LCORL: variants seen among roughly 807,000 people sequenced by gnomAD.
The protein encoded by LCORL is ligand-dependent nuclear receptor corepressor-like protein.
Under a neutral mutation model 141.8 loss-of-function variants are expected in LCORL, and 41 were observed. That is an observed-to-expected ratio of 0.29 (90% CI 0.23 to 0.38). LCORL has a LOEUF of 0.38. Ranked by LOEUF, LCORL falls within the 10% of genes least tolerant of loss-of-function variation. The pLI is 1.00. For synonymous variants in LCORL, 618 were observed against 694.1 expected (o/e 0.89, Z 1.72); for missense variants, 1,759 against 2,035.0 (o/e 0.86, Z 2.61).
chr4:17,842,207 G>T, exon 8 of LCORL: 1 of 942,194 alleles, frequency 1.1e-6, no homozygotes, highest in South Asian at 1.4e-5. Context: ...GTGTTGAAAG[G>T]ATTGTTGTGT....
chr4:17,928,236 G>A (rs927474548), intron 4 of LCORL, among the ~76,000 whole-genome samples: 2 of 152,050 alleles, frequency 1.3e-5, no homozygotes, highest in Non-Finnish European at 1.5e-5. Context: ...GTAAAACACC[G>A]TCTCTACAAA....
At chr4:17,872,070 GAGT>G (rs1194559135) in intron 7 of LCORL, among the ~76,000 whole-genome samples, 2 of 116,966 alleles carry the variant, frequency 1.7e-5, no homozygotes, top group Non-Finnish European at 3.9e-5. Context: ...GTTTTAAAAA[GAGT>G]AGTAAAAATA....
At chr4:18,018,107 C>T (rs1724899615) in intron 1 of LCORL, among the ~76,000 whole-genome samples, 1 of 152,028 alleles carries the variant, frequency 6.6e-6, no homozygotes, top group Admixed American at 6.5e-5. Flanking sequence ...GCCAGTCTCC[C>T]AGATCAGATA....
In LCORL at chr4:17,866,116, C is replaced by A. The variant is rs183461941; in HGVS notation, c.5602+7272G>T. Among the ~76,000 whole-genome samples, 33 of 152,268 alleles carry A rather than the reference C, an allele frequency of 2.2e-4. 1 individual carries two copies. Among genetic ancestry groups the A allele is most frequent in the Middle Eastern group, 3.4e-3 (1 of 294 alleles). On this transcript the variant is annotated intron_variant, in intron 7 of 7. Transcript: ENST00000635767. ...ATCATCTCCTTCTTTCTTGACTAGA[C>A]ACACTGGCCATGACTTACACCTCTA...
At chr4:17,910,914 T>A (rs940718953) in intron 4 of LCORL, among the ~76,000 whole-genome samples, 1 of 152,202 alleles carries the variant, frequency 6.6e-6, no homozygotes, top group Non-Finnish European at 1.5e-5. Context: ...AATACAATTT[T>A]ATCCTTCACT....
At chr4:17,912,142 C>A in intron 4 of LCORL, 1 of 991,954 alleles carries the variant, frequency 1.0e-6, no homozygotes, top group Non-Finnish European at 1.6e-6. Flanking sequence ...GGACAATGCC[C>A]GCATTGTTCT....
At chr4:17,919,142 A>G (rs1269818934) in intron 4 of LCORL, among the ~76,000 whole-genome samples, 1 of 152,172 alleles carries the variant, frequency 6.6e-6, no homozygotes, top group African/African-American at 2.4e-5. Context: ...AATAAATTAG[A>G]TAACCTAGAT....
intron 1 of LCORL, among the ~76,000 whole-genome samples, chr4:18,014,529 T>C (rs781429119): frequency 5.3e-5 from 8 of 151,768 alleles, no homozygotes; most frequent in African/African-American, 1.2e-4. Context: ...AAAGTAATAA[T>C]AGCTTGGCAA....
intron 1 of LCORL, among the ~76,000 whole-genome samples, chr4:17,983,684 T>C (rs1404405445): frequency 6.6e-6 from 1 of 152,226 alleles, no homozygotes; most frequent in Non-Finnish European, 1.5e-5. Context: ...TGGGGTTTTC[T>C]AGATATAGAA....
exon 7 of LCORL, chr4:17,876,006 G>A (rs1726882118): frequency 2.4e-6 from 3 of 1,231,026 alleles, no homozygotes; most frequent in Non-Finnish European, 2.0e-6. Context: ...ATGGGTTGTA[G>A]GTTTTTCAGA....
chr4:18,007,405 T>C (rs1722993721), intron 1 of LCORL, among the ~76,000 whole-genome samples: 1 of 152,224 alleles, frequency 6.6e-6, no homozygotes, highest in Non-Finnish European at 1.5e-5. Context: ...TTTTCTCATT[T>C]CCCACAATCA....
intron 2 of LCORL, among the ~76,000 whole-genome samples, chr4:17,965,591 C>T (rs1426728594): frequency 6.6e-6 from 1 of 152,002 alleles, no homozygotes; most frequent in African/African-American, 2.4e-5. Flanking sequence ...ACCTTTCCAC[C>T]ATGGATATAT....
intron 4 of LCORL, among the ~76,000 whole-genome samples, chr4:17,933,486 C>A (rs1032128877): frequency 6.6e-6 from 1 of 152,062 alleles, no homozygotes; most frequent in African/African-American, 2.4e-5. Flanking sequence ...TATTTCTAAG[C>A]AGATTTTTTT....
intron 2 of LCORL, among the ~76,000 whole-genome samples, chr4:17,971,926 T>C (rs182061856): frequency 9.9e-5 from 15 of 151,782 alleles, no homozygotes; most frequent in Admixed American, 8.5e-4. Flanking sequence ...ATATGATAGT[T>C]GAAAAAAAAT....
chr4:17,844,895 G>C (rs1279807661), exon 8 of LCORL: 2 of 152,018 alleles, frequency 1.3e-5, no homozygotes, highest in Non-Finnish European at 2.9e-5. Context: ...TCAGTTTTTA[G>C]ACATAGTCAT....
In LCORL at chr4:17,893,217, A is replaced by G. The variant is rs535028325; in HGVS notation, c.683-7056T>C. 2.6e-5 allele frequency: 7 copies of G among 265,764 alleles called. No homozygotes were observed. In the South Asian group the frequency reaches 7.1e-4, roughly 27 times the overall value. The allele number at this position is 265,764 out of a possible 1,614,324, so 16.5% of individuals were successfully genotyped here. On this transcript the variant is annotated intron_variant, in intron 5 of 7. Coordinates refer to ENST00000635767, the Ensembl canonical transcript of LCORL. ...CCTACCCCTACTACCATAACTTTCA[A>G]CAGCATTATACATTCTTTTAGATCC... is the stretch of plus-strand genomic sequence containing the variant.
intron 1 of LCORL, among the ~76,000 whole-genome samples, chr4:17,998,222 A>G (rs1363762695): frequency 6.6e-6 from 1 of 152,216 alleles, no homozygotes; most frequent in Non-Finnish European, 1.5e-5. Context: ...GCTCTGGGTG[A>G]GTGAGTGAAT....
chr4:17,978,155 G>A (rs929838620), intron 1 of LCORL, among the ~76,000 whole-genome samples: 6 of 152,050 alleles, frequency 3.9e-5, no homozygotes, highest in Non-Finnish European at 5.9e-5. Flanking sequence ...ATTACGAATC[G>A]TATTTTTCTG....
intron 7 of LCORL, among the ~76,000 whole-genome samples, chr4:17,846,217 G>T (rs2109084948): frequency 6.6e-6 from 1 of 152,100 alleles, no homozygotes; most frequent in South Asian, 2.1e-4. Flanking sequence ...CTTTTAACTT[G>T]CCCTTTTGTG....
Sources: allele counts gnomAD v4.1 joint callset (sites outside exome capture counted in the v4.1 genomes callset), GRCh38; gene constraint gnomAD v4.1.1; transcripts MANE v1.5; gene names NCBI Gene and HGNC (gene_info 2026-07-23, HGNC 2026-07-21).